Variants in COL15A1 observed in about 807,000 individuals in gnomAD.
COL15A1 encodes the protein collagen type XV alpha 1 chain.
Under a neutral mutation model 165.9 loss-of-function variants are expected in COL15A1, and 111 were observed. The ratio of observed to expected loss-of-function variants is 0.67; its 90% CI spans 0.57 to 0.78. The LOEUF is 0.78. COL15A1 is among the 30% of genes least tolerant of loss of function. COL15A1 has a pLI of 0.00. For missense variants in COL15A1, 1,745 were observed against 1,789.7 expected, an observed-to-expected ratio of 0.98 and a Z score of 0.45; for synonymous variants, 659 against 674.8, an observed-to-expected ratio of 0.98 and a Z score of 0.36.
At chr9:99,018,164 C>T (rs187828690) in intron 11 of COL15A1, among the ~76,000 whole-genome samples, 6 of 152,272 alleles carry the variant, frequency 3.9e-5, no homozygotes, top group Admixed American at 6.5e-5. Flanking sequence ...TTATCTAATG[C>T]CCTGGCTATT....
At chr9:98,967,063 G>T (rs1045924445) in intron 2 of COL15A1, among the ~76,000 whole-genome samples, 1 of 152,170 alleles carries the variant, frequency 6.6e-6, no homozygotes, top group Admixed American at 6.5e-5. Flanking sequence ...TTCAGGCAAG[G>T]TCTCACATTA....
rs532470503 is a variant in COL15A1 at position 98,967,423 on chromosome 9, C to T, written c.101-18142C>T. Among the ~76,000 whole-genome samples the T allele has an allele frequency of 1.6e-4, 24 of 152,330 alleles. No homozygotes were observed. The South Asian group carries it at 4.8e-3, about 30-fold the overall frequency. On this transcript the variant is annotated intron_variant, in intron 2 of 41. Coordinates refer to ENST00000375001, the MANE Select transcript of COL15A1 (RefSeq NM_001855.5). Reference sequence around the variant, plus strand: ...CCAGGGGGCTGGAGTGCCCAAGCCTCTCTACATCCACTTACCTCCAGGGGC... The same window carrying T: ...CCAGGGGGCTGGAGTGCCCAAGCCTTTCTACATCCACTTACCTCCAGGGGC...
At chr9:99,004,328 A>T (rs1201174487) in intron 8 of COL15A1, among the ~76,000 whole-genome samples, 2 of 152,240 alleles carry the variant, frequency 1.3e-5, no homozygotes, top group East Asian at 3.9e-4. Context: ...CTGCCCTGGG[A>T]TGTGGCCAAC....
At chr9:98,989,079 G>T in intron 4 of COL15A1, 99 bp from the exon 5 acceptor site, 1 of 794,278 alleles carries the variant, frequency 1.3e-6, no homozygotes, top group Non-Finnish European at 2.2e-6. Context: ...TTCCCTGTAG[G>T]AGAGTCGGTT....
At chr9:98,990,271 T>G (rs1279412960) in intron 5 of COL15A1, among the ~76,000 whole-genome samples, 3 of 151,954 alleles carry the variant, frequency 2.0e-5, no homozygotes, top group Non-Finnish European at 4.4e-5. Context: ...GACTGAAGGG[T>G]GTATGGGCCG....
In COL15A1 at chr9:98,983,071, G is replaced by T. The variant is rs573229747; in HGVS notation, c.101-2494G>T. 2.4e-4 allele frequency among the ~76,000 whole-genome samples: 37 copies of T among 152,182 alleles called. 1 individual carries two copies. Among genetic ancestry groups the T allele is most frequent in the Non-Finnish European group, 4.1e-4 (28 of 68,002 alleles). On this transcript the variant is annotated intron_variant, in intron 2 of 41. Coordinates refer to ENST00000375001, the MANE Select transcript of COL15A1 (RefSeq NM_001855.5). ...GTTAAGCATACATAGCATAAAATTT[G>T]GTATTTTAACCATTTAACAACCAAG... is the stretch of plus-strand genomic sequence containing the variant.
chr9:98,948,157 C>T (rs1276736573), intron 2 of COL15A1, among the ~76,000 whole-genome samples: 1 of 152,162 alleles, frequency 6.6e-6, no homozygotes, highest in Admixed American at 6.5e-5. Flanking sequence ...GATTTGGGCA[C>T]AGAGCTGCCC....
chr9:98,988,648 C>T (rs1263187843), intron 4 of COL15A1, among the ~76,000 whole-genome samples: 2 of 152,112 alleles, frequency 1.3e-5, no homozygotes, highest in African/African-American at 4.8e-5. Flanking sequence ...CCAGGCTGGG[C>T]GCAGTAGCTC....
At chr9:99,022,038 G>T (rs1588519225) in intron 12 of COL15A1, 53 bp from the exon 13 acceptor site, 1 of 1,605,620 alleles carries the variant, frequency 6.2e-7, no homozygotes, top group East Asian at 2.2e-5. Context: ...GAAAGGTGGG[G>T]AGATGGTAGG....
chr9:99,026,112 C>T (rs1588521577), intron 16 of COL15A1, 146 bp downstream of exon 16: 1 of 721,850 alleles, frequency 1.4e-6, no homozygotes, highest in Non-Finnish European at 2.3e-6. Context: ...CTGGATGTCT[C>T]CATCATGGGA....
chr9:99,069,132 C>T (rs908405816), intron 41 of COL15A1, among the ~76,000 whole-genome samples: 4 of 152,152 alleles, frequency 2.6e-5, no homozygotes, highest in South Asian at 2.1e-4. Context: ...CTACTCTATA[C>T]GAGGCCTGAG....
intron 40 of COL15A1, among the ~76,000 whole-genome samples, chr9:99,067,909 A>G (rs891880348): frequency 6.6e-6 from 1 of 152,162 alleles, no homozygotes; most frequent in Non-Finnish European, 1.5e-5. Context: ...GCCTGCCACA[A>G]ATTTGAAGCT....
At chr9:99,054,064 T>C (rs1028635042) in intron 31 of COL15A1, among the ~76,000 whole-genome samples, 2 of 152,224 alleles carry the variant, frequency 1.3e-5, no homozygotes, top group Non-Finnish European at 2.9e-5. Flanking sequence ...CCTGTGGGGA[T>C]GTACAACACT....
chr9:99,048,257 C>T (rs1839526878), intron 28 of COL15A1, among the ~76,000 whole-genome samples: 1 of 152,176 alleles, frequency 6.6e-6, no homozygotes, highest in Non-Finnish European at 1.5e-5. Flanking sequence ...GGGATCTGGT[C>T]ATGCTCAGAA....
At chr9:99,029,013 T>C (rs1839174486) in intron 16 of COL15A1, among the ~76,000 whole-genome samples, 1 of 152,238 alleles carries the variant, frequency 6.6e-6, no homozygotes, top group African/African-American at 2.4e-5. Context: ...AGGAGTAGCC[T>C]GCTTTCTCAG....
At position 98,996,986 on chromosome 9, in the gene COL15A1, C is replaced by T. The variant is rs1311818363; in HGVS notation, c.857C>T (p.Pro286Leu). The change falls in exon 6 of 42, where the codon CCC (proline) becomes CTC (leucine). Residue 286 changes from proline (P) to leucine (L), a missense_variant. Transcript: ENST00000375001. Reference sequence around the variant, plus strand: ...AACACACCTCCAACTCCATCCTCCCCCTTTGAAGACATGGAACTTTCTGGT... The same window carrying T: ...AACACACCTCCAACTCCATCCTCCCTCTTTGAAGACATGGAACTTTCTGGT... Reference protein sequence around the residue: ...PINTPPTPSSPFEDMELSGEP... With the variant: ...PINTPPTPSSLFEDMELSGEP... 6.2e-6 allele frequency: 10 copies of T among 1,614,082 alleles called. No individual in the cohort carries two copies. The highest frequency in any genetic ancestry group is 6.8e-6 in the Non-Finnish European group (8 of 1,180,038).
intron 30 of COL15A1, 106 bp from the exon 31 acceptor site, chr9:99,052,280 CTG>C: frequency 1.1e-5 from 9 of 827,774 alleles, no homozygotes; most frequent in Non-Finnish European, 1.9e-5. Context: ...AGGCCTGACT[CTG>C]TGGCATTGCC....
intron 11 of COL15A1, among the ~76,000 whole-genome samples, chr9:99,019,037 C>T (rs1712895265): frequency 6.6e-6 from 1 of 152,094 alleles, no homozygotes; most frequent in African/African-American, 2.4e-5. Flanking sequence ...GAAACGGAGA[C>T]ATGGTTGATG....
At chr9:99,023,232 GAGC>G (rs1386184719) in intron 13 of COL15A1, 122 bp from the exon 14 acceptor site, 1 of 1,215,162 alleles carries the variant, frequency 8.2e-7, no homozygotes, top group Non-Finnish European at 1.1e-6. Context: ...AGAAAACGGG[GAGC>G]AGAAGTTATC....
Sources: allele counts gnomAD v4.1 joint callset (sites outside exome capture counted in the v4.1 genomes callset), GRCh38; gene constraint gnomAD v4.1.1; transcripts MANE v1.5; gene names NCBI Gene and HGNC (gene_info 2026-07-23, HGNC 2026-07-21).